PRLR: variants seen among roughly 807,000 people sequenced by gnomAD.
PRLR encodes prolactin receptor.
PRLR carries 13 observed loss-of-function variants against 40.2 expected under a neutral mutation model. The observed-to-expected ratio is 0.32, with a 90% CI of 0.21 to 0.51. The LOEUF (loss-of-function observed/expected upper bound fraction) is 0.51, where lower values mean the gene tolerates loss of function less well. Among genes scored for constraint, PRLR ranks in the 20% least tolerant of loss-of-function variants. The pLI, the probability that PRLR is intolerant of heterozygous loss-of-function variation, is 0.97. For synonymous variants in PRLR, 269 were observed against 278.7 expected, an observed-to-expected ratio of 0.97 and a Z score of 0.35; for missense variants, 656 against 747.3, an observed-to-expected ratio of 0.88 and a Z score of 1.42.
At chr5:35,138,479 G>A (rs987017269) in intron 1 of PRLR, among the ~76,000 whole-genome samples, 1 of 152,198 alleles carries the variant, frequency 6.6e-6, no homozygotes, top group Non-Finnish European at 1.5e-5. Context: ...TGGAATTGCT[G>A]TGGAGAGATT....
chr5:35,116,140 C>G (rs1773004256), intron 2 of PRLR, among the ~76,000 whole-genome samples: 2 of 151,910 alleles, frequency 1.3e-5, no homozygotes, highest in Non-Finnish European at 2.9e-5. Context: ...GTGCAGGGGT[C>G]AGGGAAGATC....
chr5:35,150,607 C>T (rs1395934914), intron 1 of PRLR, among the ~76,000 whole-genome samples: 1 of 152,052 alleles, frequency 6.6e-6, no homozygotes, highest in Non-Finnish European at 1.5e-5. Context: ...AATACAGCTG[C>T]GTGCTTAATA....
At chr5:35,162,214 G>A (rs1238433371) in intron 1 of PRLR, among the ~76,000 whole-genome samples, 2 of 152,162 alleles carry the variant, frequency 1.3e-5, no homozygotes, top group African/African-American at 4.8e-5. Context: ...TACAACATAA[G>A]TGTGGCACAC....
chr5:35,066,192 C>T, intron 9 of PRLR, 90 bp from the exon 10 acceptor site: 1 of 1,275,824 alleles, frequency 7.8e-7, no homozygotes, highest in Non-Finnish European at 1.1e-6. Flanking sequence ...TTCATTGCCA[C>T]AAGCAGGTGG....
At chr5:35,161,604 G>A (rs1049233349) in intron 1 of PRLR, among the ~76,000 whole-genome samples, 6 of 152,210 alleles carry the variant, frequency 3.9e-5, no homozygotes, top group African/African-American at 1.2e-4. Context: ...AACTTGCCAA[G>A]TACTTTGTCT....
chr5:35,168,649 G>A (rs1184308339), intron 1 of PRLR, among the ~76,000 whole-genome samples: 1 of 152,106 alleles, frequency 6.6e-6, no homozygotes, highest in African/African-American at 2.4e-5. Context: ...ATATTTTGAA[G>A]TGAATAGTAA....
chr5:35,122,041 A>G (rs1579697552), intron 1 of PRLR, among the ~76,000 whole-genome samples: 1 of 152,340 alleles, frequency 6.6e-6, no homozygotes, highest in Middle Eastern at 3.4e-3. Flanking sequence ...TGAGAAAATA[A>G]TACATGGTAA....
At chr5:35,199,773 A>T (rs1775830909) in intron 1 of PRLR, among the ~76,000 whole-genome samples, 1 of 152,184 alleles carries the variant, frequency 6.6e-6, no homozygotes, top group African/African-American at 2.4e-5. Flanking sequence ...TTTCCATAAC[A>T]TTTTGTTACT....
chr5:35,161,961 C>T (rs6451184), intron 1 of PRLR, among the ~76,000 whole-genome samples: 138,937 of 152,248 alleles, frequency 0.91, 64,515 homozygotes, highest in Non-Finnish European at 1. Context: ...TCAGGTGATA[C>T]TTTTTAAAGC....
downstream of PRLR, among the ~76,000 whole-genome samples, chr5:35,053,027 G>A (rs1215776082): frequency 1.3e-5 from 2 of 152,156 alleles, no homozygotes; most frequent in Non-Finnish European, 1.5e-5. Flanking sequence ...GTGACTTTTA[G>A]TGAACCCTCG....
At chr5:35,167,142 T>C (rs1185049842) in intron 1 of PRLR, among the ~76,000 whole-genome samples, 1 of 38,116 alleles carries the variant, frequency 2.6e-5, no homozygotes, top group Non-Finnish European at 5.5e-5. Flanking sequence ...GTCTATCATC[T>C]ATCTATCTAT....
chr5:35,065,018 C>T lies in PRLR; in HGVS notation c.*71G>A. ...GTGTCAGTCTGACTACATTCTTGAG[C>T]ATTTCACGTACTCTGTAGTGTTACC... On this transcript the variant is annotated 3_prime_UTR_variant, in exon 10 of 10. Coordinates refer to ENST00000618457, the MANE Select transcript of PRLR (RefSeq NM_000949.7). The T allele has an allele frequency of 6.7e-7, 1 of 1,489,680 alleles. No homozygotes were observed. Among genetic ancestry groups the T allele is most frequent in the Non-Finnish European group, 9.1e-7 (1 of 1,101,492 alleles). The allele number at this position is 1,489,680 out of a possible 1,614,324, so 92.3% of individuals were successfully genotyped here. A position where few individuals can be genotyped will look rare whatever the true frequency, so the allele number is the denominator to read the frequency against.
downstream of PRLR, among the ~76,000 whole-genome samples, chr5:35,050,794 C>G (rs1247352026): frequency 6.6e-6 from 1 of 152,158 alleles, no homozygotes; most frequent in Non-Finnish European, 1.5e-5. Context: ...CCTCTCTTAA[C>G]TAATTTAGGA....
intron 1 of PRLR, among the ~76,000 whole-genome samples, chr5:35,126,299 G>A (rs1056746110): frequency 6.6e-6 from 1 of 152,136 alleles, no homozygotes; most frequent in African/African-American, 2.4e-5. Context: ...TAAGCCAGGG[G>A]ATCTGGCTCC....
At chr5:35,155,569 A>C (rs12109986) in intron 1 of PRLR, among the ~76,000 whole-genome samples, 20,111 of 152,222 alleles carry the variant, frequency 0.13, 3,190 homozygotes, top group African/African-American at 0.38. Flanking sequence ...CTTCTGTTTA[A>C]AATGGAAGCC....
chr5:35,228,638 G>T, intron 1 of PRLR, among the ~76,000 whole-genome samples: 1 of 152,168 alleles, frequency 6.6e-6, no homozygotes, highest in East Asian at 1.9e-4. Context: ...AAATTCTAGG[G>T]GTAAGGACTG....
At chr5:35,132,182 T>C (rs1400530780) in intron 1 of PRLR, among the ~76,000 whole-genome samples, 1 of 152,114 alleles carries the variant, frequency 6.6e-6, no homozygotes, top group Non-Finnish European at 1.5e-5. Flanking sequence ...CCAAAACACA[T>C]GGAGGAGAAA....
chr5:35,069,456 G>T (rs1561265418), intron 7 of PRLR, among the ~76,000 whole-genome samples: 1 of 152,186 alleles, frequency 6.6e-6, no homozygotes, highest in Non-Finnish European at 1.5e-5. Context: ...CGATACTTTG[G>T]TCAGGCAAGT....
chr5:35,178,331 A>G (rs1355533373), intron 1 of PRLR, among the ~76,000 whole-genome samples: 1 of 152,184 alleles, frequency 6.6e-6, no homozygotes, highest in Non-Finnish European at 1.5e-5. Context: ...CTTATGTGTC[A>G]TATACATATA....
Sources: allele counts gnomAD v4.1 joint callset (sites outside exome capture counted in the v4.1 genomes callset), GRCh38; gene constraint gnomAD v4.1.1; transcripts MANE v1.5; gene names NCBI Gene and HGNC (gene_info 2026-07-23, HGNC 2026-07-21).